GALNT17: variants seen among roughly 807,000 people sequenced by gnomAD.
GALNT17 encodes UDP-GalNAc:polypeptide N-acetylgalactosaminyltransferase-like 3.
GALNT17 carries 29 observed loss-of-function variants against 63.7 expected under a neutral mutation model. The ratio of observed to expected loss-of-function variants is 0.46; its 90% CI spans 0.34 to 0.62. The LOEUF (loss-of-function observed/expected upper bound fraction) is 0.62. Among genes scored for constraint, GALNT17 ranks in the 20% least tolerant of loss-of-function variants. GALNT17 has a pLI of 0.01. For missense variants in GALNT17, 603 were observed against 799.6 expected (o/e 0.75, Z 2.97); for synonymous variants, 305 against 318.3 (o/e 0.96, Z 0.45).
At chr7:71,515,444 CTCTG>C (rs935920032) in intron 5 of GALNT17, among the ~76,000 whole-genome samples, 33 of 152,304 alleles carry the variant, frequency 2.2e-4, no homozygotes, top group African/African-American at 7.0e-4. Flanking sequence ...CTAAGTTTCT[CTCTG>C]TCTTTTACTT....
intron 5 of GALNT17, among the ~76,000 whole-genome samples, chr7:71,490,180 C>G (rs762206168): frequency 4.6e-5 from 7 of 151,674 alleles, no homozygotes; most frequent in East Asian, 3.9e-4. Flanking sequence ...TCATTTGAAC[C>G]TGGGAGGCAG....
intron 5 of GALNT17, among the ~76,000 whole-genome samples, chr7:71,570,004 G>A (rs1189837374): frequency 6.6e-6 from 1 of 151,124 alleles, no homozygotes; most frequent in Non-Finnish European, 1.5e-5. Context: ...CCAATGGTGT[G>A]TAAGTGTTTT....
At position 71,553,221 on chromosome 7, in the gene GALNT17, G is replaced by T. The variant is rs185295955; in HGVS notation, c.963-18064G>T. ...ATGTGCCTGTAGTCCCGGCTACTTT[G>T]GGGGCTGAGGTGGGAGGATTGCTTG... On this transcript the variant is annotated intron_variant, in intron 5 of 10. Transcript: ENST00000333538. 3.4e-4 allele frequency among the ~76,000 whole-genome samples: 51 copies of T among 152,188 alleles called. No individual in the cohort carries two copies. The East Asian group carries it at 8.9e-3, about 27-fold the overall frequency.
At chr7:71,444,149 G>A (rs958399889) in intron 5 of GALNT17, among the ~76,000 whole-genome samples, 2 of 152,196 alleles carry the variant, frequency 1.3e-5, no homozygotes, top group Non-Finnish European at 2.9e-5. Flanking sequence ...TCTGCCATGG[G>A]CCTAACTTGG....
chr7:71,477,091 T>A (rs1486756592), intron 5 of GALNT17, among the ~76,000 whole-genome samples: 1 of 152,160 alleles, frequency 6.6e-6, no homozygotes, highest in Non-Finnish European at 1.5e-5. Context: ...TAGTAAGCAT[T>A]ACTATGTAAG....
chr7:71,516,216 C>G (rs1315813934), intron 5 of GALNT17, among the ~76,000 whole-genome samples: 1 of 151,992 alleles, frequency 6.6e-6, no homozygotes, highest in Non-Finnish European at 1.5e-5. Context: ...GATAAGTAAC[C>G]TATCTTGCAG....
Position 71,391,054 on chromosome 7 carries a change from T to C in GALNT17, c.589+2653T>C, listed in dbSNP as rs187492004. Reference sequence around the variant, plus strand: ...ACTAGCATGTGGTGTGTCTGCACAGTGGACTCTCTGAACTGGGTGGGATGT... The same window carrying C: ...ACTAGCATGTGGTGTGTCTGCACAGCGGACTCTCTGAACTGGGTGGGATGT... On this transcript the variant is annotated intron_variant, in intron 3 of 10. Coordinates refer to ENST00000333538, the MANE Select transcript of GALNT17 (RefSeq NM_022479.3). 6.9e-3 allele frequency among the ~76,000 whole-genome samples: 1,054 copies of C among 152,328 alleles called. 12 individuals are homozygous for C. The highest frequency in any genetic ancestry group is 0.01 in the Admixed American group (159 of 15,298).
intron 6 of GALNT17, among the ~76,000 whole-genome samples, chr7:71,653,181 A>G (rs1045117129): frequency 2.6e-5 from 4 of 151,662 alleles, no homozygotes; most frequent in Admixed American, 2.6e-4. Flanking sequence ...ACACCCAGCT[A>G]ATTTTTGTAT....
intron 5 of GALNT17, among the ~76,000 whole-genome samples, chr7:71,463,670 G>A (rs765017973): frequency 2.0e-5 from 3 of 152,314 alleles, no homozygotes; most frequent in East Asian, 3.9e-4. Context: ...TTCTGGGAAA[G>A]GGGTAGGCAA....
At chr7:71,482,834 TAGATTATCAG>T in intron 5 of GALNT17, among the ~76,000 whole-genome samples, 3 of 152,110 alleles carry the variant, frequency 2.0e-5, no homozygotes, top group Non-Finnish European at 4.4e-5. Flanking sequence ...AGGCATTACT[TAGATTATCAG>T]AAGGAGCATG....
chr7:71,259,988 A>G (rs1029009698), intron 1 of GALNT17, among the ~76,000 whole-genome samples: 1 of 152,134 alleles, frequency 6.6e-6, no homozygotes, highest in Non-Finnish European at 1.5e-5. Context: ...AGCAGAGAGG[A>G]TGACAAGGTC....
chr7:71,371,600 G>T (rs1181161816), intron 2 of GALNT17, among the ~76,000 whole-genome samples: 1 of 152,014 alleles, frequency 6.6e-6, no homozygotes, highest in Non-Finnish European at 1.5e-5. Context: ...ATGTTATTTT[G>T]ATGATCAGAG....
intron 1 of GALNT17, among the ~76,000 whole-genome samples, chr7:71,194,903 G>C (rs905445165): frequency 7.9e-5 from 12 of 152,170 alleles, no homozygotes; most frequent in Non-Finnish European, 1.5e-4. Context: ...GGACTGCCCC[G>C]GTGTCTGGAG....
At chr7:71,409,460 T>G (rs2116414280) in intron 3 of GALNT17, among the ~76,000 whole-genome samples, 1 of 152,320 alleles carries the variant, frequency 6.6e-6, no homozygotes, top group Middle Eastern at 3.4e-3. Flanking sequence ...TCATCTAAGC[T>G]TAGACAGATT....
Position 71,605,054 on chromosome 7 carries a change from G to A in GALNT17, c.1080+33652G>A, listed in dbSNP as rs530588440. On this transcript the variant is annotated intron_variant, in intron 6 of 10. Coordinates refer to ENST00000333538, the MANE Select transcript of GALNT17 (RefSeq NM_022479.3). ...CCTGTTTTCCCACAAACAAATAAATGCTTTGGGGCTGTCCCTTCAGAAACT... is the reference window on the plus strand; with the variant it reads ...CCTGTTTTCCCACAAACAAATAAATACTTTGGGGCTGTCCCTTCAGAAACT... 1.2e-4 allele frequency among the ~76,000 whole-genome samples: 19 copies of A among 152,216 alleles called. 1 individual carries two copies. The South Asian group carries it at 3.9e-3, about 32-fold the overall frequency.
At chr7:71,480,155 CTTTTTTTTTTTTTT>C (rs67257902) in intron 5 of GALNT17, among the ~76,000 whole-genome samples, 10 of 65,352 alleles carry the variant, frequency 1.5e-4, no homozygotes, top group Non-Finnish European at 1.9e-4. Context: ...TTTTTGGAGT[CTTTTTTTTTTTTTT>C]TTTTTTTTTT....
intron 1 of GALNT17, among the ~76,000 whole-genome samples, chr7:71,331,449 T>C (rs1791806461): frequency 6.6e-6 from 1 of 152,164 alleles, no homozygotes; most frequent in African/African-American, 2.4e-5. Flanking sequence ...GGCTCACGCC[T>C]GTAATCCCAG....
At chr7:71,240,755 C>T (rs991618693) in intron 1 of GALNT17, among the ~76,000 whole-genome samples, 1 of 151,826 alleles carries the variant, frequency 6.6e-6, no homozygotes, top group African/African-American at 2.4e-5. Flanking sequence ...GGCTCCGCCC[C>T]CCGGGTTCAC....
chr7:71,459,107 A>G (rs551944442), intron 5 of GALNT17, among the ~76,000 whole-genome samples: 8 of 152,272 alleles, frequency 5.3e-5, no homozygotes, highest in African/African-American at 1.9e-4. Flanking sequence ...TAAAAAAAAA[A>G]CACCTTTCGG....
Sources: allele counts gnomAD v4.1 joint callset (sites outside exome capture counted in the v4.1 genomes callset), GRCh38; gene constraint gnomAD v4.1.1; transcripts MANE v1.5; gene names NCBI Gene and HGNC (gene_info 2026-07-23, HGNC 2026-07-21).